LPA: variants seen among roughly 807,000 people sequenced by gnomAD.
LPA encodes lipoprotein(a).
In LPA, 199 loss-of-function variants were observed where a neutral mutation model predicts 197.9. That is an observed-to-expected ratio of 1.01 (90% CI 0.90 to 1.13). The LOEUF (loss-of-function observed/expected upper bound fraction) is 1.13, where lower values mean the gene tolerates loss of function less well. LPA is among the 50% of genes most tolerant of loss of function. The pLI, the probability that LPA is intolerant of heterozygous loss-of-function variation, is 0.00. For missense variants in LPA, 1,853 were observed against 1,785.8 expected (o/e 1.04, Z -0.68); for synonymous variants, 715 against 639.5 (o/e 1.12, Z -1.78).
chr6:160,588,367 G>C (rs1413277002), intron 24 of LPA, among the ~76,000 whole-genome samples: 1 of 151,974 alleles, frequency 6.6e-6, no homozygotes, highest in Admixed American at 6.6e-5. Flanking sequence ...CTTGATTCTA[G>C]GAATAAGATG....
At position 160,539,918 on chromosome 6, in the gene LPA, C is replaced by T. The variant is rs571490567; in HGVS notation, c.5735+125G>A. On this transcript the variant is annotated intron_variant, in intron 36 of 38. Coordinates refer to ENST00000316300, the MANE Select transcript of LPA (RefSeq NM_005577.4). ...TGAAGATTGATGCTGTCCCCAAAGC[C>T]CTTGAGCCTTTCATGTGATAGACAG... 2.0e-4 allele frequency: 266 copies of T among 1,319,922 alleles called. 5 individuals carry two copies. The South Asian group carries it at 2.7e-3, about 13-fold the overall frequency. 81.8% of individuals were successfully genotyped at this position (1,319,922 alleles called of 1,614,324 possible).
At chr6:160,593,814 C>T in intron 22 of LPA, 144 bp downstream of exon 22, 3 of 995,872 alleles carry the variant, frequency 3.0e-6, no homozygotes, top group Non-Finnish European at 4.7e-6. Flanking sequence ...AGACACTGTG[C>T]CTGAAGAAAG....
intron 26 of LPA, among the ~76,000 whole-genome samples, chr6:160,584,754 G>A (rs890320045): frequency 7.2e-5 from 11 of 152,164 alleles, no homozygotes; most frequent in African/African-American, 2.4e-4. Flanking sequence ...GGGCATTGTG[G>A]AATGATACTT....
chr6:160,633,928 A>T lies in LPA; in HGVS notation c.1076-16T>A, dbSNP rs1288748429. The T allele has an allele frequency of 2.3e-6, 3 of 1,305,752 alleles. No individual in the cohort carries two copies. The highest frequency in any genetic ancestry group is 3.2e-6 in the Non-Finnish European group (3 of 928,638). The allele number at this position is 1,305,752 out of a possible 1,614,324, so 80.9% of individuals were successfully genotyped here. On this transcript the variant is annotated splice_polypyrimidine_tract_variant and intron_variant, in intron 7 of 38. Transcript: ENST00000316300. ...TCAGTCGGTGCTGAAATGAAAACACAAGAAATAAACTGAGTATCTCTGAGA... is the reference window on the plus strand; with the variant it reads ...TCAGTCGGTGCTGAAATGAAAACACTAGAAATAAACTGAGTATCTCTGAGA...
At chr6:160,655,313 C>G (rs1002170653) in intron 1 of LPA, among the ~76,000 whole-genome samples, 8 of 152,328 alleles carry the variant, frequency 5.3e-5, no homozygotes, top group Admixed American at 3.3e-4. Flanking sequence ...TGTGATTCAC[C>G]TATGGGGGCC....
At chr6:160,587,419 T>G (rs1778931608) in intron 24 of LPA, among the ~76,000 whole-genome samples, 1 of 152,236 alleles carries the variant, frequency 6.6e-6, no homozygotes, top group Non-Finnish European at 1.5e-5. Flanking sequence ...ATATTTAAGC[T>G]GTGGTCTTAG....
At chr6:160,566,012 C>A (rs1024953709) in intron 28 of LPA, among the ~76,000 whole-genome samples, 2 of 152,060 alleles carry the variant, frequency 1.3e-5, no homozygotes, top group African/African-American at 4.8e-5. Flanking sequence ...ACAAAGCCTC[C>A]AATAAATATG....
intron 1 of LPA, among the ~76,000 whole-genome samples, chr6:160,655,566 G>GT (rs200929434): frequency 0.014 from 2,135 of 152,276 alleles, 20 homozygotes; most frequent in Middle Eastern, 0.031. Context: ...GGCCCACCAG[G>GT]CATTGTGCCT....
At chr6:160,563,248 G>T (rs1778392773) in intron 28 of LPA, among the ~76,000 whole-genome samples, 1 of 152,182 alleles carries the variant, frequency 6.6e-6, no homozygotes, top group Non-Finnish European at 1.5e-5. Flanking sequence ...CTGTGTACCA[G>T]AGATTCTGGC....
intron 22 of LPA, among the ~76,000 whole-genome samples, chr6:160,593,153 C>T (rs980229142): frequency 6.6e-6 from 1 of 152,124 alleles, no homozygotes; most frequent in African/African-American, 2.4e-5. Flanking sequence ...AGTCTCTCTC[C>T]TCAGTTAAGC....
At chr6:160,592,259 G>T (rs1032584617) in intron 22 of LPA, among the ~76,000 whole-genome samples, 2 of 152,142 alleles carry the variant, frequency 1.3e-5, no homozygotes, top group African/African-American at 4.8e-5. Context: ...CTGTCTTGTG[G>T]TTTGTCTAGC....
intron 24 of LPA, among the ~76,000 whole-genome samples, chr6:160,587,358 T>C (rs1778929920): frequency 6.6e-6 from 1 of 152,192 alleles, no homozygotes; most frequent in Non-Finnish European, 1.5e-5. Context: ...TGGTTTGGAC[T>C]ATTTCCTTCC....
Position 160,532,533 on chromosome 6 carries a change from G to C in LPA, c.5959C>G (p.Gln1987Glu), listed in dbSNP as rs769877425. 3 of 1,585,804 alleles carry C rather than the reference G, an allele frequency of 1.9e-6. No homozygotes were observed. The Admixed American group carries it at 5.0e-5, about 26-fold the overall frequency. The change falls in exon 38 of 39, where the codon CAG (glutamine) becomes GAG (glutamate). Residue 1987 changes from glutamine to glutamate, a missense_variant and splice_region_variant. Coordinates refer to ENST00000316300, the MANE Select transcript of LPA (RefSeq NM_005577.4). ...EHLARGTDSCQGDSGGPLVCF... is the reference protein window; with the variant it reads ...EHLARGTDSCEGDSGGPLVCF... ...TTGATCTATTGATCTTTTCTTACCT[G>C]GCAACTGTCAGTGCCTCTGGCCAAA...
rs571136495 is a variant in LPA at position 160,559,482 on chromosome 6, A to G, written c.4632-1911T>C. Among the ~76,000 whole-genome samples, 7 of 152,350 alleles carry G rather than the reference A, an allele frequency of 4.6e-5. No individual in the cohort carries two copies. In the South Asian group the frequency reaches 1.4e-3, roughly 32 times the overall value. On this transcript the variant is annotated intron_variant, in intron 28 of 38. Transcript: ENST00000316300. ...ATAAAGCTCCTATAAATATTCATAT[A>G]GAACTCTTTGTGGACTTACTTTTTC...
Position 160,590,979 on chromosome 6 carries a change from C to G in LPA, c.3752G>C (p.Ser1251Thr), listed in dbSNP as rs369574261. The change falls in exon 23 of 39, where the codon AGT becomes ACT. Residue 1251 changes from serine (S) to threonine (T), a missense_variant. Ser to Thr is a moderately conservative substitution (Grantham distance 58). Transcript: ENST00000316300. ...AACAGCCGTGGACGTCGCAAGGACA[C>G]TTGATTCTGTCACTGGACATTGTGT... ...NLTQCPVTESSVLATSTAVSE... is the reference protein window; with the variant it reads ...NLTQCPVTESTVLATSTAVSE... 13 of 1,614,006 alleles carry G rather than the reference C, an allele frequency of 8.1e-6. No individual in the cohort carries two copies. The African/African-American group carries it at 1.3e-4, about 17-fold the overall frequency.
chr6:160,577,417 G>A, intron 27 of LPA, 122 bp from the exon 28 acceptor site: 1 of 858,354 alleles, frequency 1.2e-6, no homozygotes, highest in Non-Finnish European at 1.9e-6. Context: ...TTTTCTACTA[G>A]TAGCAAAAGG....
At chr6:160,568,861 A>G (rs1778511023) in intron 28 of LPA, among the ~76,000 whole-genome samples, 1 of 152,218 alleles carries the variant, frequency 6.6e-6, no homozygotes, top group Non-Finnish European at 1.5e-5. Flanking sequence ...TTGTAGGGAC[A>G]TGGATGAACT....
At chr6:160,546,811 A>G (rs1281763326) in intron 32 of LPA, among the ~76,000 whole-genome samples, 2 of 152,206 alleles carry the variant, frequency 1.3e-5, no homozygotes, top group Non-Finnish European at 2.9e-5. Flanking sequence ...GTGGGGGAAC[A>G]CAGACACTTT....
chr6:160,610,019 C>A (rs1582884354), intron 16 of LPA, among the ~76,000 whole-genome samples: 1 of 152,034 alleles, frequency 6.6e-6, no homozygotes, highest in Non-Finnish European at 1.5e-5. Context: ...TGATATGATA[C>A]CTGCTTTGTT....
Sources: gnomAD v4.1 joint callset for allele counts (sites outside exome capture counted in the v4.1 genomes callset) on GRCh38, gnomAD v4.1.1 for gene constraint, MANE v1.5 for transcripts, NCBI Gene and HGNC (gene_info 2026-07-23, HGNC 2026-07-21) for gene names.